KCNG3: variants seen among roughly 807,000 people sequenced by gnomAD.
KCNG3 encodes potassium voltage-gated channel modifier subfamily G member 3.
A neutral mutation model predicts 29.0 loss-of-function variants in KCNG3; 15 were observed. The observed-to-expected ratio is 0.52, with a 90% CI of 0.35 to 0.80. The LOEUF is 0.80. Among genes scored for constraint, KCNG3 ranks in the 30% least tolerant of loss-of-function variants. The probability of loss-of-function intolerance (pLI) is 0.01; values close to 1 mark genes in which losing one functional copy is unlikely to be tolerated. For synonymous variants in KCNG3, 322 were observed against 248.9 expected, an observed-to-expected ratio of 1.29 and a Z score of -2.76; for missense variants, 512 against 605.7, an observed-to-expected ratio of 0.85 and a Z score of 1.62.
the KCNG3 span, among the ~76,000 whole-genome samples, chr2:42,403,658 T>A: frequency 6.7e-6 from 1 of 148,920 alleles, no homozygotes; most frequent in Non-Finnish European, 1.5e-5. Context: ...AGAGACGGGG[T>A]TTCACCACGT....
At position 42,493,457 on chromosome 2, in the gene KCNG3, C is replaced by G. The variant is rs958750029; in HGVS notation, c.45G>C (p.Val15=). Residue 15 remains valine (V), a synonymous_variant, in exon 1 of 2, where the codon GTG becomes GTC. Coordinates refer to ENST00000306078, the MANE Select transcript of KCNG3 (RefSeq NM_133329.6). ...RSGAASVVLN[V]GGARYSLSRE... ...GGGACAGCGAATACCGGGCGCCGCC[C>G]ACGTTCAGCACCACCGAGGCCGCCC... 1 of 1,459,276 alleles carries G rather than the reference C, an allele frequency of 6.9e-7. No individual in the cohort carries two copies. The allele number at this position is 1,459,276 out of a possible 1,614,324, so 90.4% of individuals were successfully genotyped here. A position where few individuals can be genotyped will look rare whatever the true frequency, so the allele number is the denominator to read the frequency against.
chr2:42,482,482 TG>T (rs1315122110), intron 1 of KCNG3, among the ~76,000 whole-genome samples: 4 of 152,048 alleles, frequency 2.6e-5, no homozygotes, highest in African/African-American at 9.7e-5. Context: ...CCCAGCACTT[TG>T]GGAGGCCAAG....
At chr2:42,414,604 A>G in the KCNG3 span, among the ~76,000 whole-genome samples, 15 of 151,488 alleles carry the variant, frequency 9.9e-5, no homozygotes, top group Non-Finnish European at 1.5e-5. Flanking sequence ...AGTGGTTTCA[A>G]CCTGACAATT....
chr2:42,443,938 T>A lies in KCNG3; in HGVS notation c.1307A>T (p.Asn436Ile). 6.2e-7 allele frequency: 1 copy of A among 1,601,728 alleles called. No individual in the cohort carries two copies. The highest frequency in any genetic ancestry group is 8.5e-7 in the Non-Finnish European group (1 of 1,174,510). Reference protein sequence around the residue: ...YSRSLSTEFLN With the variant: ...YSRSLSTEFLI ...CAAGAATTGATTTGCAATGCATTAA[T>A]TCAGGAATTCAGTGGAGAGGCTCCT... The change falls in exon 2 of 2, where the codon AAT becomes ATT. Residue 436 changes from asparagine to isoleucine, a missense_variant. Physicochemically the swap from Asn to Ile is moderately radical, Grantham distance 149 (BLOSUM62 -3). Around this residue, in one of 5 missense-constraint regions of KCNG3, gnomAD observed 173 missense variants for 262.4 expected, o/e 0.66. Transcript: ENST00000306078.
chr2:42,444,670 C>T lies in KCNG3; in HGVS notation c.666-91G>A, dbSNP rs565708356. The T allele has an allele frequency of 2.6e-6, 3 of 1,145,924 alleles. No individual in the cohort carries two copies. Among genetic ancestry groups the T allele is most frequent in the East Asian group, 2.4e-5 (1 of 42,122 alleles). 71.0% of individuals were successfully genotyped at this position (1,145,924 alleles called of 1,614,324 possible). A position where few individuals can be genotyped will look rare whatever the true frequency, so the allele number is the denominator to read the frequency against. ...CTTCAGATAGTACTACACTGACATA[C>T]TAATTCAGTTACTTTTCCAGAAAAC... On this transcript the variant is annotated intron_variant, in intron 1 of 1. Coordinates refer to ENST00000306078, the MANE Select transcript of KCNG3 (RefSeq NM_133329.6). The surrounding 1 kb of genome is among the most constrained non-coding windows in gnomAD (Gnocchi z 5.8).
At chr2:42,407,122 A>G in the KCNG3 span, among the ~76,000 whole-genome samples, 1 of 151,732 alleles carries the variant, frequency 6.6e-6, no homozygotes, top group African/African-American at 2.4e-5. Context: ...CTACCAGAAT[A>G]CATTTGTCAG....
At chr2:42,397,106 G>A in the KCNG3 span, among the ~76,000 whole-genome samples, 3 of 152,146 alleles carry the variant, frequency 2.0e-5, no homozygotes, top group African/African-American at 7.2e-5. Context: ...TTAGCCAGGC[G>A]TGGTGGCAGA....
chr2:42,415,310 A>C, the KCNG3 span, among the ~76,000 whole-genome samples: 1 of 152,158 alleles, frequency 6.6e-6, no homozygotes, highest in Non-Finnish European at 1.5e-5. Context: ...CAAGCATCTT[A>C]TTTCTGGTTA....
At chr2:42,431,791 A>G in the KCNG3 span, among the ~76,000 whole-genome samples, 1 of 152,324 alleles carries the variant, frequency 6.6e-6, no homozygotes. Context: ...TAACCCCAAC[A>G]CTTCGGGAGG....
chr2:42,430,741 G>A, the KCNG3 span, among the ~76,000 whole-genome samples: 1 of 151,792 alleles, frequency 6.6e-6, no homozygotes, highest in Admixed American at 6.6e-5. Flanking sequence ...GCCACCTTAT[G>A]AAATTCTGTT....
chr2:42,486,670 G>C (rs1449058924), intron 1 of KCNG3, among the ~76,000 whole-genome samples: 1 of 152,128 alleles, frequency 6.6e-6, no homozygotes, highest in Non-Finnish European at 1.5e-5. Flanking sequence ...CCTCTACCCA[G>C]AACACTCTTC....
At position 42,493,370 on chromosome 2, in the gene KCNG3, C is replaced by A; in HGVS notation, c.132G>T (p.Glu44Asp). The change falls in exon 1 of 2, where the codon GAG becomes GAT. Residue 44 changes from glutamate to aspartate, a missense_variant. Transcript: ENST00000306078. ...RVSRLHGCRS[E>D]RDVLEVCDDY... ...CGTCGCACACCTCGAGCACGTCGCG[C>A]TCGGAGCGGCAGCCGTGCAGCCGGC... 1 of 1,564,268 alleles carries A rather than the reference C, an allele frequency of 6.4e-7. No homozygotes were observed. The highest frequency in any genetic ancestry group is 8.7e-7 in the Non-Finnish European group (1 of 1,154,704).
chr2:42,438,816 G>A (rs765648460), downstream of KCNG3, among the ~76,000 whole-genome samples: 20 of 150,522 alleles, frequency 1.3e-4, no homozygotes, highest in South Asian at 6.2e-4. Flanking sequence ...CACTGCAAAT[G>A]AGGCAGTAAA....
the KCNG3 span, among the ~76,000 whole-genome samples, chr2:42,408,853 G>A: frequency 3.3e-5 from 5 of 152,194 alleles, no homozygotes; most frequent in Non-Finnish European, 7.3e-5. Context: ...CCTTTGCGGA[G>A]CCCAAAACTG....
the KCNG3 span, among the ~76,000 whole-genome samples, chr2:42,394,004 C>G: frequency 6.6e-6 from 1 of 152,148 alleles, no homozygotes; most frequent in African/African-American, 2.4e-5. Context: ...TGGTCTTGAA[C>G]TCCTGACCTC....
the KCNG3 span, among the ~76,000 whole-genome samples, chr2:42,422,469 T>C: frequency 3.3e-5 from 5 of 152,106 alleles, no homozygotes; most frequent in Non-Finnish European, 5.9e-5. Flanking sequence ...GTCCGTGGTA[T>C]TCTGTTATAG....
At chr2:42,413,725 G>A in the KCNG3 span, 1 of 152,820 alleles carries the variant, frequency 6.5e-6, no homozygotes, top group Non-Finnish European at 1.5e-5. Flanking sequence ...AAGCAAACAT[G>A]TCCTTCTTCA....
intron 1 of KCNG3, among the ~76,000 whole-genome samples, chr2:42,477,376 C>A (rs1367967853): frequency 2.0e-5 from 1 of 49,972 alleles, no homozygotes; most frequent in Admixed American, 2.7e-4. Context: ...TATATATACA[C>A]ACACATATAT....
At chr2:42,423,619 G>A in the KCNG3 span, among the ~76,000 whole-genome samples, 3 of 152,132 alleles carry the variant, frequency 2.0e-5, no homozygotes, top group Non-Finnish European at 4.4e-5. Context: ...CTTCTAGGAA[G>A]CCTTCCTTGA....
Sources: allele counts gnomAD v4.1 joint callset (sites outside exome capture counted in the v4.1 genomes callset), GRCh38; gene constraint gnomAD v4.1.1; regional missense constraint gnomAD v4.1.1; non-coding constraint Gnocchi (gnomAD v3.1); transcripts MANE v1.5; gene names NCBI Gene and HGNC (gene_info 2026-07-23, HGNC 2026-07-21).